Variants in PPP1R13B observed in about 807,000 individuals in gnomAD.
The protein encoded by PPP1R13B is apoptosis-stimulating of p53 protein 1.
Under a neutral mutation model 119.8 loss-of-function variants are expected in PPP1R13B, and 44 were observed. That is an observed-to-expected ratio of 0.37 (90% CI 0.29 to 0.47). The LOEUF is 0.47. PPP1R13B is among the 20% of genes least tolerant of loss of function. The pLI, the probability that PPP1R13B is intolerant of heterozygous loss-of-function variation, is 0.99. For missense variants in PPP1R13B, 1,227 were observed against 1,413.5 expected, an observed-to-expected ratio of 0.87 and a Z score of 2.12; for synonymous variants, 542 against 561.5, an observed-to-expected ratio of 0.97 and a Z score of 0.49.
At chr14:103,771,803 T>G (rs2085076747) in intron 4 of PPP1R13B, among the ~76,000 whole-genome samples, 10 of 152,158 alleles carry the variant, frequency 6.6e-5, no homozygotes. Context: ...AAGTGAAAAT[T>G]TTAATGAATT....
chr14:103,764,473 A>G (rs2151995921), intron 4 of PPP1R13B: 1 of 351,562 alleles, frequency 2.8e-6, no homozygotes, highest in Non-Finnish European at 5.7e-6. Context: ...TATCCCAGAT[A>G]TGAGTCCTTT....
At chr14:103,843,360 C>T (rs145991152) in intron 1 of PPP1R13B, among the ~76,000 whole-genome samples, 1,858 of 151,568 alleles carry the variant, frequency 0.012, 37 homozygotes, top group African/African-American at 0.042. Context: ...GGTGACAGAG[C>T]GAGACTCTGT....
intron 2 of PPP1R13B, among the ~76,000 whole-genome samples, chr14:103,796,462 G>T (rs926053465): frequency 4.6e-5 from 7 of 152,148 alleles, no homozygotes; most frequent in African/African-American, 1.4e-4. Context: ...AACTCAAGCA[G>T]ACAGTATCAA....
Position 103,734,803 on chromosome 14 carries a change from T to G in PPP1R13B, c.*351A>C, listed in dbSNP as rs1490870996. 2.2e-6 allele frequency: 1 copy of G among 459,298 alleles called. No individual in the cohort carries two copies. Among genetic ancestry groups the G allele is most frequent in the Non-Finnish European group, 4.3e-6 (1 of 232,878 alleles). 28.5% of individuals were successfully genotyped at this position (459,298 alleles called of 1,614,324 possible). On this transcript the variant is annotated 3_prime_UTR_variant, in exon 17 of 17. Coordinates refer to ENST00000202556, the MANE Select transcript of PPP1R13B (RefSeq NM_015316.3). Reference sequence around the variant, plus strand: ...CAGTGTTCACTGCTGGAGGGGGTGATGGCCTCGGGGCCAAGTCAGTAAGAG... The same window carrying G: ...CAGTGTTCACTGCTGGAGGGGGTGAGGGCCTCGGGGCCAAGTCAGTAAGAG...
At chr14:103,772,105 C>A (rs1332943447) in intron 4 of PPP1R13B, among the ~76,000 whole-genome samples, 1 of 152,216 alleles carries the variant, frequency 6.6e-6, no homozygotes, top group African/African-American at 2.4e-5. Flanking sequence ...AGTATGTAAT[C>A]CTTTGGCTGG....
At chr14:103,829,128 G>T (rs761672510) in intron 1 of PPP1R13B, among the ~76,000 whole-genome samples, 6 of 152,070 alleles carry the variant, frequency 3.9e-5, no homozygotes, top group East Asian at 1.9e-4. Flanking sequence ...TGGCTTAATT[G>T]TAACAGTATT....
chr14:103,742,513 C>T lies in PPP1R13B; in HGVS notation c.1320+141G>A. ...CTCAGGCTCTTAGGGCCCAGTAACC[C>T]TCTAGGACTTTGGGTGTTGTCTGGA... On this transcript the variant is annotated intron_variant, in intron 10 of 16. Coordinates refer to ENST00000202556, the MANE Select transcript of PPP1R13B (RefSeq NM_015316.3). The surrounding 1 kb of genome is among the most constrained non-coding windows in gnomAD (Gnocchi z 4.9). 7.6e-7 allele frequency: 1 copy of T among 1,321,438 alleles called. No individual in the cohort carries two copies. The allele number at this position is 1,321,438 out of a possible 1,614,324, so 81.9% of individuals were successfully genotyped here. A position where few individuals can be genotyped will look rare whatever the true frequency, so the allele number is the denominator to read the frequency against.
rs1033945753 is a variant in PPP1R13B, at chr14:103,742,561, C to T, written c.1320+93G>A. Reference sequence around the variant, plus strand: ...GGACAATAACAGGATTAACTTGCCTCCTGACAAGTCATACCCTTTAGCTTA... The same window carrying T: ...GGACAATAACAGGATTAACTTGCCTTCTGACAAGTCATACCCTTTAGCTTA... On this transcript the variant is annotated intron_variant, in intron 10 of 16. Transcript: ENST00000202556. This position sits in a 1 kb window ranked among gnomAD's most constrained non-coding sequence, Gnocchi z 4.9. 3.4e-6 allele frequency: 5 copies of T among 1,471,832 alleles called. No homozygotes were observed. Among genetic ancestry groups the T allele is most frequent in the Non-Finnish European group, 4.6e-6 (5 of 1,094,964 alleles). 91.2% of individuals were successfully genotyped at this position (1,471,832 alleles called of 1,614,324 possible).
intron 1 of PPP1R13B, among the ~76,000 whole-genome samples, chr14:103,843,011 C>T (rs901411926): frequency 5.3e-5 from 8 of 151,820 alleles, no homozygotes; most frequent in African/African-American, 1.9e-4. Flanking sequence ...AGCAACATTC[C>T]CCACATATAT....
At chr14:103,835,290 T>G (rs1473991476) in intron 1 of PPP1R13B, among the ~76,000 whole-genome samples, 1 of 152,002 alleles carries the variant, frequency 6.6e-6, no homozygotes, top group Non-Finnish European at 1.5e-5. Flanking sequence ...GTCCAGCTAA[T>G]TTTTGTATTA....
At chr14:103,776,311 C>A (rs562477241) in intron 4 of PPP1R13B, among the ~76,000 whole-genome samples, 9 of 151,990 alleles carry the variant, frequency 5.9e-5, no homozygotes, top group South Asian at 2.1e-4. Flanking sequence ...GTTGATAGTA[C>A]AAATAAACAG....
intron 1 of PPP1R13B, among the ~76,000 whole-genome samples, chr14:103,811,217 A>G (rs1664618201): frequency 6.6e-6 from 1 of 152,134 alleles, no homozygotes; most frequent in South Asian, 2.1e-4. Context: ...TAAACCACAG[A>G]CTATGACCTC....
intron 2 of PPP1R13B, among the ~76,000 whole-genome samples, chr14:103,791,892 C>T (rs1290860132): frequency 6.6e-6 from 1 of 152,108 alleles, no homozygotes; most frequent in African/African-American, 2.4e-5. Flanking sequence ...TCATGTTTCT[C>T]AGTTTTGCAT....
intron 2 of PPP1R13B, chr14:103,794,744 T>A: frequency 3.0e-6 from 1 of 337,262 alleles, no homozygotes; most frequent in South Asian, 2.4e-5. Flanking sequence ...CCCTCTCCCT[T>A]TGATGGCATC....
rs537505926 is a variant in PPP1R13B at position 103,752,684 on chromosome 14, G to A, written c.828+316C>T. On this transcript the variant is annotated intron_variant, in intron 7 of 16. Transcript: ENST00000202556. ...CAAGTGGCTGAGACTACGGGCATGC[G>A]CCACCACGCCCAGCTAATTTTTCTA... Among the ~76,000 whole-genome samples the A allele has an allele frequency of 3.3e-5, 5 of 152,018 alleles. No homozygotes were observed. The East Asian group carries it at 5.8e-4, about 18-fold the overall frequency.
In PPP1R13B at chr14:103,742,710, C is replaced by T. The variant is rs34789821; in HGVS notation, c.1264G>A (p.Gly422Ser). 977 of 1,614,034 alleles carry T rather than the reference C, an allele frequency of 6.1e-4. 7 individuals carry two copies. The African/African-American group carries it at 0.012, about 20-fold the overall frequency. Residue 422 changes from glycine to serine, a missense_variant, in exon 10 of 17, where the codon GGC (glycine) becomes AGC (serine). Physicochemically the swap from Gly to Ser is moderately conservative, Grantham distance 56 (BLOSUM62 0). Transcript: ENST00000202556. The surrounding 1 kb of genome is among the most constrained non-coding windows in gnomAD (Gnocchi z 4.9). ...DPSVEGSVKQ[G>S]TVSSQPVPFS... Reference sequence around the variant, plus strand: ...GGCACAGGCTGGCTGGAGACAGTGCCCTGCTTGACAGACCCCTCCACGCTC... The same window carrying T: ...GGCACAGGCTGGCTGGAGACAGTGCTCTGCTTGACAGACCCCTCCACGCTC...
chr14:103,740,943 T>G lies in PPP1R13B; in HGVS notation c.1823-350A>C, dbSNP rs1215072122. On this transcript the variant is annotated intron_variant, in intron 11 of 16. Transcript: ENST00000202556. The surrounding 1 kb of genome is among the most constrained non-coding windows in gnomAD (Gnocchi z 4.6). ...AGACAAAAACCACTAAACATGCATC[T>G]GATTCTTGGACTAACTCACATGACG... Among the ~76,000 whole-genome samples the G allele has an allele frequency of 6.6e-6, 1 of 152,252 alleles. No homozygotes were observed. Among genetic ancestry groups the G allele is most frequent in the Non-Finnish European group, 1.5e-5 (1 of 68,040 alleles).
intron 3 of PPP1R13B, among the ~76,000 whole-genome samples, chr14:103,780,691 G>A (rs989444081): frequency 2.6e-5 from 4 of 151,286 alleles, no homozygotes; most frequent in Admixed American, 2.6e-4. Flanking sequence ...GTGCACACCT[G>A]TAGTCCCAGC....
At chr14:103,758,554 C>G (rs2084730772) in intron 4 of PPP1R13B, among the ~76,000 whole-genome samples, 1 of 152,244 alleles carries the variant, frequency 6.6e-6, no homozygotes, top group South Asian at 2.1e-4. Flanking sequence ...CTGTGACAGA[C>G]ATGCTATGAG....
Sources: gnomAD v4.1 joint callset for allele counts (sites outside exome capture counted in the v4.1 genomes callset) on GRCh38, gnomAD v4.1.1 for gene constraint, Gnocchi (gnomAD v3.1) non-coding constraint, MANE v1.5 for transcripts, NCBI Gene and HGNC (gene_info 2026-07-23, HGNC 2026-07-21) for gene names.